ATP8B1: variants seen among roughly 807,000 people sequenced by gnomAD.
ATP8B1 encodes phospholipid-transporting ATPase IC.
ATP8B1 carries 80 observed loss-of-function variants against 149.9 expected under a neutral mutation model. The ratio of observed to expected loss-of-function variants is 0.53; its 90% CI spans 0.45 to 0.64. The LOEUF (loss-of-function observed/expected upper bound fraction) is 0.64. ATP8B1 is among the 30% of genes least tolerant of loss of function. The pLI, the probability that ATP8B1 is intolerant of heterozygous loss-of-function variation, is 0.00. For synonymous variants in ATP8B1, 536 were observed against 562.8 expected (o/e 0.95, Z 0.67); for missense variants, 1,247 against 1,552.6 (o/e 0.80, Z 3.31).
chr18:57,795,086 A>G lies in ATP8B1; in HGVS notation c.-26+7912T>C, dbSNP rs991811332. 3.9e-5 allele frequency among the ~76,000 whole-genome samples: 6 copies of G among 152,330 alleles called. No individual in the cohort carries two copies. In the East Asian group the frequency reaches 7.7e-4, roughly 20 times the overall value. On this transcript the variant is annotated intron_variant, in intron 1 of 27. Transcript: ENST00000648908. ...AACAGATATGTGTATGCCCAGGTCC[A>G]TGGCAGCATTAGTCACAATAGCCAG...
intron 26 of ATP8B1, among the ~76,000 whole-genome samples, chr18:57,650,924 A>G (rs1307540668): frequency 6.6e-6 from 1 of 152,212 alleles, no homozygotes; most frequent in Non-Finnish European, 1.5e-5. Flanking sequence ...TTACAACTGG[A>G]TTGGCCTCCC....
chr18:57,652,956 A>C (rs186335139), intron 24 of ATP8B1, among the ~76,000 whole-genome samples: 321 of 152,320 alleles, frequency 2.1e-3, no homozygotes, highest in Admixed American at 3.7e-3. Context: ...GGCTAGGTAT[A>C]AGTTTATTAC....
At chr18:57,672,916 A>AAAACATG (rs1568189294) in intron 16 of ATP8B1, among the ~76,000 whole-genome samples, 2,777 of 72,214 alleles carry the variant, frequency 0.038, 230 homozygotes, top group Non-Finnish European at 0.053. Flanking sequence ...ATATATATAT[A>AAAACATG]TATATATATA....
intron 1 of ATP8B1, among the ~76,000 whole-genome samples, chr18:57,783,301 A>G (rs1263807029): frequency 6.6e-6 from 1 of 152,170 alleles, no homozygotes; most frequent in East Asian, 1.9e-4. Context: ...GATAATATTT[A>G]TATATCTTTA....
intron 1 of ATP8B1, among the ~76,000 whole-genome samples, chr18:57,770,285 G>A (rs2080253328): frequency 6.6e-6 from 1 of 152,180 alleles, no homozygotes; most frequent in Non-Finnish European, 1.5e-5. Context: ...AGCCTAGCAA[G>A]CTTCCCTAGG....
At chr18:57,779,127 A>C (rs780787091) in intron 1 of ATP8B1, among the ~76,000 whole-genome samples, 15 of 152,128 alleles carry the variant, frequency 9.9e-5, no homozygotes, top group Non-Finnish European at 1.8e-4. Flanking sequence ...GTTCGAGACC[A>C]GCCCAGGCAA....
At chr18:57,687,776 T>TG (rs1912325690) in intron 13 of ATP8B1, among the ~76,000 whole-genome samples, 1 of 117,846 alleles carries the variant, frequency 8.5e-6, no homozygotes, top group Non-Finnish European at 1.8e-5. Context: ...ACTTCTAATT[T>TG]TTTTTTTTTT....
intron 16 of ATP8B1, 111 bp from the exon 17 acceptor site, chr18:57,671,691 C>T (rs1008148613): frequency 5.5e-5 from 42 of 759,002 alleles, no homozygotes; most frequent in Admixed American, 2.8e-4. Context: ...AGTTCAGTAT[C>T]GGCTCACTGT....
chr18:57,759,155 CAAAAAAAAAAAAAAA>C lies in ATP8B1; in HGVS notation c.-25-27338_-25-27324del, dbSNP rs566728161. Among the ~76,000 whole-genome samples, 13 of 106,302 alleles carry C rather than the reference CAAAAAAAAAAAAAAA, an allele frequency of 1.2e-4. No individual in the cohort carries two copies. In the South Asian group the frequency reaches 1.7e-3, roughly 14 times the overall value. The allele number at this position is 106,302 out of a possible 152,430, so 69.7% of individuals were successfully genotyped here. On this transcript the variant is annotated intron_variant, in intron 1 of 27. Transcript: ENST00000648908. The stretch of plus-strand genomic sequence containing the variant: ...TGGGCGACAGAACGAGATTCCATCT[CAAAAAAAAAAAAAAA>C]AAAAAAAAAAAAGAAATCCATAGAT...
chr18:57,767,923 AG>A (rs2080228071), intron 1 of ATP8B1, among the ~76,000 whole-genome samples: 1 of 152,236 alleles, frequency 6.6e-6, no homozygotes, highest in Non-Finnish European at 1.5e-5. Flanking sequence ...GAAGCCAGCA[AG>A]CAACTGGTTT....
At position 57,794,323 on chromosome 18, in the gene ATP8B1, G is replaced by A. The variant is rs1599247058; in HGVS notation, c.-26+8675C>T. 3.9e-5 allele frequency among the ~76,000 whole-genome samples: 6 copies of A among 152,058 alleles called. No homozygotes were observed. In the South Asian group the frequency reaches 1.3e-3, roughly 32 times the overall value. ...ACTGATGTCTAATTATTACATAAAG[G>A]CATCTGATTTTTATACCAGGACACC... On this transcript the variant is annotated intron_variant, in intron 1 of 27. Coordinates refer to ENST00000648908, the MANE Select transcript of ATP8B1 (RefSeq NM_001374385.1).
chr18:57,653,159 A>G (rs1909741472), intron 24 of ATP8B1, among the ~76,000 whole-genome samples: 1 of 152,068 alleles, frequency 6.6e-6, no homozygotes, highest in Non-Finnish European at 1.5e-5. Flanking sequence ...AAGAATTGGT[A>G]TTAGATAAAA....
intron 2 of ATP8B1, among the ~76,000 whole-genome samples, chr18:57,713,623 T>A (rs2123025582): frequency 6.6e-6 from 1 of 151,736 alleles, no homozygotes; most frequent in Non-Finnish European, 1.5e-5. Context: ...CCCGAGTAGC[T>A]GGGATTAGAG....
chr18:57,653,325 C>T (rs1484599661), intron 24 of ATP8B1, among the ~76,000 whole-genome samples: 1 of 135,364 alleles, frequency 7.4e-6, no homozygotes, highest in Non-Finnish European at 1.5e-5. Flanking sequence ...CACTTTGTTG[C>T]CCAGCCCGGA....
intron 17 of ATP8B1, among the ~76,000 whole-genome samples, chr18:57,670,990 T>C (rs1911189367): frequency 6.6e-6 from 1 of 152,246 alleles, no homozygotes; most frequent in African/African-American, 2.4e-5. Context: ...ACTACAGGCA[T>C]GAGACACCAA....
intron 2 of ATP8B1, among the ~76,000 whole-genome samples, chr18:57,710,405 C>T (rs1913631102): frequency 6.6e-6 from 1 of 152,064 alleles, no homozygotes; most frequent in Non-Finnish European, 1.5e-5. Context: ...TTCCCATGAT[C>T]ACCACGTCCT....
chr18:57,703,652 C>T (rs1176359094), intron 4 of ATP8B1, among the ~76,000 whole-genome samples: 1 of 151,704 alleles, frequency 6.6e-6, no homozygotes, highest in African/African-American at 2.4e-5. Context: ...GCACGGCAGA[C>T]ACTAAAGGTT....
At chr18:57,733,721 A>G (rs2079815718) in intron 1 of ATP8B1, among the ~76,000 whole-genome samples, 1 of 151,834 alleles carries the variant, frequency 6.6e-6, no homozygotes, top group African/African-American at 2.4e-5. Flanking sequence ...AAAAAAAAAA[A>G]AAAAAAAATG....
At chr18:57,797,703 C>CTTTTTTTTTTTTTT (rs59261353) in intron 1 of ATP8B1, among the ~76,000 whole-genome samples, 7 of 96,286 alleles carry the variant, frequency 7.3e-5, no homozygotes, top group Admixed American at 1.2e-4. Flanking sequence ...TTCTTTCTTT[C>CTTTTTTTTTTTTTT]TTTTTTTTTT....
Sources: allele counts gnomAD v4.1 joint callset (sites outside exome capture counted in the v4.1 genomes callset), GRCh38; gene constraint gnomAD v4.1.1; transcripts MANE v1.5; gene names NCBI Gene and HGNC (gene_info 2026-07-23, HGNC 2026-07-21).